The following CALN1 variants were observed in gnomAD, a reference collection of about 807,000 sequenced individuals.
CALN1 encodes the protein calneuron 1, also known as calcium-binding protein 8.
In CALN1, 17 loss-of-function variants were observed where a neutral mutation model predicts 30.6. The ratio of observed to expected loss-of-function variants is 0.56; its 90% CI spans 0.38 to 0.83. The LOEUF (loss-of-function observed/expected upper bound fraction) is 0.83. Among genes scored for constraint, CALN1 ranks in the 40% least tolerant of loss-of-function variants. CALN1 has a pLI of 0.00. For synonymous variants in CALN1, 156 were observed against 131.4 expected (o/e 1.19, Z -1.28); for missense variants, 291 against 354.9 (o/e 0.82, Z 1.45).
At chr7:72,282,943 C>G (rs1281501139) in intron 2 of CALN1, among the ~76,000 whole-genome samples, 2 of 151,328 alleles carry the variant, frequency 1.3e-5, no homozygotes, top group African/African-American at 2.4e-5. Context: ...AATCCCAGCT[C>G]TACTTGGGAG....
At position 71,781,544 on chromosome 7, in the gene CALN1, G is replaced by C. The variant is rs1371768201; in HGVS notation, c.*6231C>G. The stretch of plus-strand genomic sequence containing the variant: ...ATCCAGAGAAGACCTTCAGAGGACA[G>C]CATCTGCAGCCCTTTAAGAACTTTC... On this transcript the variant is annotated 3_prime_UTR_variant, in exon 7 of 7. Transcript: ENST00000395275. The C allele has an allele frequency of 6.6e-6, 1 of 152,194 alleles. No individual in the cohort carries two copies. The highest frequency in any genetic ancestry group is 1.5e-5 in the Non-Finnish European group (1 of 68,068). 9.4% of individuals were successfully genotyped at this position (152,194 alleles called of 1,614,324 possible). A position where few individuals can be genotyped will look rare whatever the true frequency, so the allele number is the denominator to read the frequency against.
chr7:72,146,948 A>G (rs1297158938), intron 3 of CALN1, among the ~76,000 whole-genome samples: 5 of 152,196 alleles, frequency 3.3e-5, no homozygotes, highest in Non-Finnish European at 5.9e-5. Context: ...CCTTCCTTAC[A>G]CCTTATACAA....
intron 2 of CALN1, among the ~76,000 whole-genome samples, chr7:72,302,795 T>C (rs768496189): frequency 7.0e-6 from 1 of 142,148 alleles, no homozygotes; most frequent in Admixed American, 7.6e-5. Flanking sequence ...CTAGGGAGAC[T>C]GAGGCACGAG....
intron 2 of CALN1, among the ~76,000 whole-genome samples, chr7:72,396,039 G>A (rs529038027): frequency 9.9e-5 from 15 of 151,738 alleles, no homozygotes; most frequent in Non-Finnish European, 1.9e-4. Context: ...ACTAGCTCTT[G>A]TTCCCTCCAG....
At chr7:72,049,619 T>A (rs1055619641) in intron 4 of CALN1, among the ~76,000 whole-genome samples, 1 of 152,142 alleles carries the variant, frequency 6.6e-6, no homozygotes, top group African/African-American at 2.4e-5. Context: ...GCGATTCTCC[T>A]GCCTCAGCCT....
chr7:71,845,721 T>A lies in CALN1; in HGVS notation c.502-35229A>T, dbSNP rs143472037. Among the ~76,000 whole-genome samples, 284 of 152,250 alleles carry A rather than the reference T, an allele frequency of 1.9e-3. 3 individuals carry two copies. The highest frequency in any genetic ancestry group is 6.8e-3 in the Middle Eastern group (2 of 294). ...CCCAGAATTCAGCTGATTCTGGTCA[T>A]CACTTCTAGGGCTGACCTGGGATTT... On this transcript the variant is annotated intron_variant, in intron 5 of 6. Coordinates refer to ENST00000395275, the MANE Select transcript of CALN1 (RefSeq NM_031468.4).
In CALN1 at chr7:71,787,660, C is replaced by T. The variant is rs996166169; in HGVS notation, c.*115G>A. 2.0e-5 allele frequency: 29 copies of T among 1,431,844 alleles called. 1 individual carries two copies. Among genetic ancestry groups the T allele is most frequent in the Admixed American group, 1.1e-4 (5 of 46,538 alleles). 88.7% of individuals were successfully genotyped at this position (1,431,844 alleles called of 1,614,324 possible). On this transcript the variant is annotated 3_prime_UTR_variant, in exon 7 of 7. Coordinates refer to ENST00000395275, the MANE Select transcript of CALN1 (RefSeq NM_031468.4). ...TGGGTTCTTTACTGAACGGTTCCAT[C>T]GTCCGCATCCATCCATAGTCCATAG... is the stretch of plus-strand genomic sequence containing the variant.
intron 5 of CALN1, among the ~76,000 whole-genome samples, chr7:71,887,929 G>A (rs1793009782): frequency 6.6e-6 from 1 of 152,064 alleles, no homozygotes. Context: ...TGCGGGCTTG[G>A]AGGGCATGAT....
chr7:72,297,245 G>A (rs1042391019), intron 2 of CALN1, among the ~76,000 whole-genome samples: 4 of 151,590 alleles, frequency 2.6e-5, no homozygotes, highest in Admixed American at 2.6e-4. Flanking sequence ...TCTTAAAGAG[G>A]AAAAAACACT....
chr7:71,934,432 G>T (rs747995627), intron 5 of CALN1, among the ~76,000 whole-genome samples: 1 of 152,172 alleles, frequency 6.6e-6, no homozygotes, highest in Non-Finnish European at 1.5e-5. Flanking sequence ...GGTTCTGCAG[G>T]ATGTACAAGC....
At chr7:72,230,080 G>A (rs1793976695) in intron 3 of CALN1, among the ~76,000 whole-genome samples, 1 of 151,962 alleles carries the variant, frequency 6.6e-6, no homozygotes, top group Non-Finnish European at 1.5e-5. Context: ...GGCAGAGCTT[G>A]CAGTGAGCCG....
intron 3 of CALN1, among the ~76,000 whole-genome samples, chr7:72,235,123 A>T (rs1347392192): frequency 6.6e-6 from 1 of 151,904 alleles, no homozygotes; most frequent in Admixed American, 6.6e-5. Context: ...AAAAACTAAA[A>T]ATTAGCCAGT....
At chr7:72,302,034 G>A (rs1011776880) in intron 2 of CALN1, among the ~76,000 whole-genome samples, 6 of 151,800 alleles carry the variant, frequency 4.0e-5, no homozygotes, top group African/African-American at 9.7e-5. Flanking sequence ...GAGCTGAGAG[G>A]CTGCTAAAAA....
At chr7:71,862,356 T>A (rs1791337179) in intron 5 of CALN1, among the ~76,000 whole-genome samples, 1 of 152,142 alleles carries the variant, frequency 6.6e-6, no homozygotes, top group African/African-American at 2.4e-5. Flanking sequence ...AGGGACCCAG[T>A]GGAAGGTAAC....
intron 5 of CALN1, among the ~76,000 whole-genome samples, chr7:71,961,395 T>C (rs1797240529): frequency 6.6e-6 from 1 of 152,240 alleles, no homozygotes; most frequent in African/African-American, 2.4e-5. Context: ...TCTGTTTTAA[T>C]GTTAGCACAT....
At chr7:72,079,475 C>T (rs903060938) in intron 4 of CALN1, among the ~76,000 whole-genome samples, 9 of 152,130 alleles carry the variant, frequency 5.9e-5, no homozygotes, top group African/African-American at 1.4e-4. Context: ...AGCTCACGGC[C>T]ACACAGCTAT....
At chr7:72,481,247 C>T in the CALN1 span, among the ~76,000 whole-genome samples, 7 of 152,110 alleles carry the variant, frequency 4.6e-5, no homozygotes, top group Non-Finnish European at 8.8e-5. Flanking sequence ...CCACTGCGCC[C>T]GGCCTAATTT....
chr7:72,147,042 C>T (rs1250047491), intron 3 of CALN1, among the ~76,000 whole-genome samples: 2 of 152,180 alleles, frequency 1.3e-5, no homozygotes, highest in Non-Finnish European at 2.9e-5. Context: ...CAATACCATT[C>T]AGGACATAGG....
At chr7:72,418,612 G>A (rs542172961) in intron 1 of CALN1, among the ~76,000 whole-genome samples, 1 of 151,916 alleles carries the variant, frequency 6.6e-6, no homozygotes, top group Admixed American at 6.5e-5. Context: ...GCCCTCTGTA[G>A]CTTCCCCGCC....
Sources: gnomAD v4.1 joint callset for allele counts (sites outside exome capture counted in the v4.1 genomes callset) on GRCh38, gnomAD v4.1.1 for gene constraint, MANE v1.5 for transcripts, NCBI Gene and HGNC (gene_info 2026-07-23, HGNC 2026-07-21) for gene names.